Variants in RFX1 observed in about 807,000 individuals in gnomAD.
RFX1 encodes regulatory factor X1.
Under a neutral mutation model 119.6 loss-of-function variants are expected in RFX1, and 42 were observed. That is an observed-to-expected ratio of 0.35 (90% confidence interval 0.27 to 0.45). The LOEUF is 0.45. RFX1 is among the 20% of genes least tolerant of loss of function. The pLI, the probability that RFX1 is intolerant of heterozygous loss-of-function variation, is 1.00. For missense variants in RFX1, 1,118 were observed against 1,368.1 expected, an observed-to-expected ratio of 0.82 and a Z score of 2.88; for synonymous variants, 628 against 618.5, an observed-to-expected ratio of 1.02 and a Z score of -0.23.
At chr19:13,995,959 C>T (rs9305036) in intron 1 of RFX1, among the ~76,000 whole-genome samples, 12,870 of 151,554 alleles carry the variant, frequency 0.085, 1,802 homozygotes, top group African/African-American at 0.29. Context: ...ACCCAGGAGG[C>T]AGAGGTTGCA....
At position 13,987,802 on chromosome 19, in the gene RFX1, C is replaced by A. The variant is rs73924100; in HGVS notation, c.320-4207G>T. On this transcript the variant is annotated intron_variant, in intron 2 of 20. Coordinates refer to ENST00000254325, the MANE Select transcript of RFX1 (RefSeq NM_002918.5). ...AATTCCCTGGGACCACTGTGAAAGG[C>A]GACTAAGCTACCGCCTGACCAAAGT... Among the ~76,000 whole-genome samples the A allele has an allele frequency of 3.0e-3, 451 of 152,236 alleles. 4 individuals are homozygous for A. Among genetic ancestry groups the A allele is most frequent in the African/African-American group, 0.01 (425 of 41,516 alleles).
intron 7 of RFX1, among the ~76,000 whole-genome samples, chr19:13,978,723 C>T (rs944464804): frequency 6.6e-6 from 1 of 152,056 alleles, no homozygotes; most frequent in African/African-American, 2.4e-5. Flanking sequence ...CCGCCCGCTG[C>T]CCCCCGCCCG....
chr19:13,987,002 T>C (rs2145603941), intron 2 of RFX1, among the ~76,000 whole-genome samples: 1 of 152,270 alleles, frequency 6.6e-6, no homozygotes, highest in South Asian at 2.1e-4. Flanking sequence ...CCTTGTCTGC[T>C]CCAACCTCAG....
At position 13,962,472 on chromosome 19, in the gene RFX1, T is replaced by G; in HGVS notation, c.*223A>C. 2.0e-6 allele frequency: 1 copy of G among 508,292 alleles called. No individual in the cohort carries two copies. 31.5% of individuals were successfully genotyped at this position (508,292 alleles called of 1,614,324 possible). A position where few individuals can be genotyped will look rare whatever the true frequency, so the allele number is the denominator to read the frequency against. On this transcript the variant is annotated 3_prime_UTR_variant, in exon 21 of 21. Coordinates refer to ENST00000254325, the MANE Select transcript of RFX1 (RefSeq NM_002918.5). ...GCGGGGCACCTGGGCACGCGGCGGGTTCCTTAAGGCACGTCTTTTGTGTCA... is the reference window on the plus strand; with the variant it reads ...GCGGGGCACCTGGGCACGCGGCGGGGTCCTTAAGGCACGTCTTTTGTGTCA...
chr19:13,988,269 C>T (rs918249171), intron 2 of RFX1, among the ~76,000 whole-genome samples: 7 of 152,252 alleles, frequency 4.6e-5, no homozygotes, highest in African/African-American at 7.2e-5. Flanking sequence ...TCAGGTGATC[C>T]GCCTGCCTCA....
intron 1 of RFX1, among the ~76,000 whole-genome samples, chr19:14,004,557 TTTTG>T (rs1975312538): frequency 6.6e-6 from 1 of 152,100 alleles, no homozygotes; most frequent in South Asian, 2.1e-4. Flanking sequence ...TTTCTAGCTT[TTTTG>T]TTTGTTTTAC....
rs1264572844 is a variant in RFX1 at position 13,986,581 on chromosome 19, C to T, written c.320-2986G>A. Among the ~76,000 whole-genome samples the T allele has an allele frequency of 6.6e-6, 1 of 152,154 alleles. No individual in the cohort carries two copies. The highest frequency in any genetic ancestry group is 1.5e-5 in the Non-Finnish European group (1 of 68,004). On this transcript the variant is annotated intron_variant, in intron 2 of 20. Coordinates refer to ENST00000254325, the MANE Select transcript of RFX1 (RefSeq NM_002918.5). This position sits in a 1 kb window ranked among gnomAD's most constrained non-coding sequence, Gnocchi z 4.2. ...CCAGGAGGGGAAGTGGGGGGTGGCACTGAGTCTGCGAGCGAGCGTCTGCAT... is the reference window on the plus strand; with the variant it reads ...CCAGGAGGGGAAGTGGGGGGTGGCATTGAGTCTGCGAGCGAGCGTCTGCAT...
intron 2 of RFX1, among the ~76,000 whole-genome samples, chr19:13,984,166 C>G (rs1568472615): frequency 6.6e-6 from 1 of 151,016 alleles, no homozygotes; most frequent in Non-Finnish European, 1.5e-5. Flanking sequence ...CTCACGCTGA[C>G]AGGCAGCTGA....
intron 12 of RFX1, among the ~76,000 whole-genome samples, chr19:13,967,538 A>G (rs1973943913): frequency 2.0e-5 from 3 of 151,274 alleles, no homozygotes; most frequent in Admixed American, 6.6e-5. Flanking sequence ...GTGCAATGGC[A>G]TGATCTTGAC....
At position 13,979,503 on chromosome 19, in the gene RFX1, C is replaced by T. The variant is rs760430294; in HGVS notation, c.778G>A (p.Gly260Ser). The change falls in exon 7 of 21, where the codon GGC (glycine) becomes AGC (serine). Residue 260 changes from glycine to serine, a missense_variant. Gly to Ser is a moderately conservative substitution (Grantham distance 56). Around this residue, in one of 5 missense-constraint regions of RFX1, gnomAD observed 542 missense variants for 602.7 expected, o/e 0.90. Coordinates refer to ENST00000254325, the MANE Select transcript of RFX1 (RefSeq NM_002918.5). The stretch of plus-strand genomic sequence containing the variant: ...TGCACGGTCAGCGGCTGCACCGGGC[C>T]GGGTTTGGGCGCTTGTGGAGTGGCC... The part of the protein sequence containing the change: ...VQATPQAPKP[G>S]PVQPLTVQGL... The T allele has an allele frequency of 1.7e-5, 28 of 1,603,590 alleles. No individual in the cohort carries two copies. In the Admixed American group the frequency reaches 3.2e-4, roughly 18 times the overall value.
Position 13,965,627 on chromosome 19 carries a change from G to A in RFX1, c.2112C>T (p.Pro704=). 6.2e-7 allele frequency: 1 copy of A among 1,613,326 alleles called. No homozygotes were observed. The highest frequency in any genetic ancestry group is 1.7e-4 in the Middle Eastern group (1 of 6,058). Residue 704 remains proline, a splice_region_variant and synonymous_variant, in exon 15 of 21, where the codon CCC becomes CCT. Coordinates refer to ENST00000254325, the MANE Select transcript of RFX1 (RefSeq NM_002918.5). The surrounding 1 kb of genome is among the most constrained non-coding windows in gnomAD (Gnocchi z 4.7). ...ATGCCGAGCAGGCCGAGCACTCACT[G>A]GGGATGGGCCGCAGCACGTCGGGAA... The part of the protein sequence containing the change: ...ILIPDVLRPI[P]SALTQAIRNF...
rs569692685 is a variant in RFX1, at chr19:13,981,640, C to T, written c.621+481G>A. 1.9e-4 allele frequency among the ~76,000 whole-genome samples: 29 copies of T among 152,302 alleles called. No individual in the cohort carries two copies. In the South Asian group the frequency reaches 4.3e-3, roughly 23 times the overall value. ...GCTCAGAGGCCTGCCTAGAGTCCCACGAGAGGAAGTGGCTGGGCCAGCCAT... is the reference window on the plus strand; with the variant it reads ...GCTCAGAGGCCTGCCTAGAGTCCCATGAGAGGAAGTGGCTGGGCCAGCCAT... On this transcript the variant is annotated intron_variant, in intron 5 of 20. Coordinates refer to ENST00000254325, the MANE Select transcript of RFX1 (RefSeq NM_002918.5).
intron 2 of RFX1, among the ~76,000 whole-genome samples, chr19:13,991,521 C>T (rs1285578048): frequency 6.6e-6 from 1 of 152,150 alleles, no homozygotes; most frequent in African/African-American, 2.4e-5. Flanking sequence ...AGTCACTGCC[C>T]TGAGTCCCTG....
At chr19:13,967,113 C>T (rs1184062046) in intron 12 of RFX1, among the ~76,000 whole-genome samples, 3 of 152,224 alleles carry the variant, frequency 2.0e-5, no homozygotes, top group Non-Finnish European at 4.4e-5. Context: ...TGAGCCTAAG[C>T]ACCCCAGGTT....
chr19:13,988,336 G>T (rs779346727), intron 2 of RFX1, among the ~76,000 whole-genome samples: 2 of 152,192 alleles, frequency 1.3e-5, no homozygotes, highest in Admixed American at 6.5e-5. Flanking sequence ...CCCCCCTGAG[G>T]GAGTGCGGGA....
chr19:13,983,302 C>T lies in RFX1; in HGVS notation c.430-32G>A. 3 of 1,515,620 alleles carry T rather than the reference C, an allele frequency of 2.0e-6. 1 individual carries two copies. Among genetic ancestry groups the T allele is most frequent in the South Asian group, 2.4e-5 (2 of 82,088 alleles). The allele number at this position is 1,515,620 out of a possible 1,614,324, so 93.9% of individuals were successfully genotyped here. A position where few individuals can be genotyped will look rare whatever the true frequency, so the allele number is the denominator to read the frequency against. On this transcript the variant is annotated intron_variant, in intron 3 of 20. Coordinates refer to ENST00000254325, the MANE Select transcript of RFX1 (RefSeq NM_002918.5). ...AGACAAGGCAGGAGGAGCTGAGCTGCCACTTCCCCCAGGGAGGCCTGGCGT... is the reference window on the plus strand; with the variant it reads ...AGACAAGGCAGGAGGAGCTGAGCTGTCACTTCCCCCAGGGAGGCCTGGCGT...
At position 13,969,725 on chromosome 19, in the gene RFX1, G is replaced by T; in HGVS notation, c.1496+269C>A. The T allele has an allele frequency of 2.4e-6, 1 of 423,214 alleles. No homozygotes were observed. Among genetic ancestry groups the T allele is most frequent in the Non-Finnish European group, 4.2e-6 (1 of 237,948 alleles). The allele number at this position is 423,214 out of a possible 1,614,324, so 26.2% of individuals were successfully genotyped here. On this transcript the variant is annotated intron_variant, in intron 10 of 20. Transcript: ENST00000254325. This position sits in a 1 kb window ranked among gnomAD's most constrained non-coding sequence, Gnocchi z 4.5. ...AAAGAGAAAAATAAAGCAGGGTTGG[G>T]GGGTGTCGGGCAGGGGAGAGGGGGA... is the stretch of plus-strand genomic sequence containing the variant.
intron 1 of RFX1, among the ~76,000 whole-genome samples, chr19:14,002,641 C>G (rs1402795360): frequency 6.6e-6 from 1 of 152,050 alleles, no homozygotes; most frequent in Non-Finnish European, 1.5e-5. Flanking sequence ...CTGCTGAGAC[C>G]GTGTGAGAAA....
Position 13,986,661 on chromosome 19 carries a change from A to G in RFX1, c.320-3066T>C, listed in dbSNP as rs1414490415. ...TGCGCAGGAGGCCAGGGAGGCCCCC[A>G]CTGTCTCAGGAAACGGCGGCCGATT... is the stretch of plus-strand genomic sequence containing the variant. On this transcript the variant is annotated intron_variant, in intron 2 of 20. Transcript: ENST00000254325. The surrounding 1 kb of genome is among the most constrained non-coding windows in gnomAD (Gnocchi z 4.2). Among the ~76,000 whole-genome samples the G allele has an allele frequency of 6.6e-6, 1 of 152,118 alleles. No homozygotes were observed. Among genetic ancestry groups the G allele is most frequent in the Non-Finnish European group, 1.5e-5 (1 of 67,990 alleles).
Sources: allele counts gnomAD v4.1 joint callset (sites outside exome capture counted in the v4.1 genomes callset), GRCh38; gene constraint gnomAD v4.1.1; regional missense constraint gnomAD v4.1.1; non-coding constraint Gnocchi (gnomAD v3.1); transcripts MANE v1.5; gene names NCBI Gene and HGNC (gene_info 2026-07-23, HGNC 2026-07-21).